Variants in CEP126 observed in about 807,000 individuals in gnomAD.
The protein encoded by CEP126 is centrosomal protein 126.
A neutral mutation model predicts 107.8 loss-of-function variants in CEP126; 74 were observed. The observed-to-expected ratio is 0.69, with a 90% confidence interval of 0.57 to 0.83. The LOEUF (loss-of-function observed/expected upper bound fraction) is 0.83. Among genes scored for constraint, CEP126 ranks in the 40% least tolerant of loss-of-function variants. CEP126 has a pLI of 0.00. For missense variants in CEP126, 1,237 were observed against 1,281.9 expected (o/e 0.96, Z 0.53); for synonymous variants, 449 against 446.0 (o/e 1.01, Z -0.08).
In CEP126 at chr11:101,915,056, C is replaced by A; in HGVS notation, c.-229C>A. 3.9e-6 allele frequency: 2 copies of A among 512,218 alleles called. No individual in the cohort carries two copies. Among genetic ancestry groups the A allele is most frequent in the Non-Finnish European group, 6.7e-6 (2 of 297,424 alleles). The allele number at this position is 512,218 out of a possible 1,614,324, so 31.7% of individuals were successfully genotyped here. On this transcript the variant is annotated 5_prime_UTR_variant, in exon 1 of 11. Coordinates refer to ENST00000263468, the MANE Select transcript of CEP126 (RefSeq NM_020802.4). The stretch of plus-strand genomic sequence containing the variant: ...ATGGCGGCTGCAGGGTTGCTGCCGC[C>A]CCATCTGCTATTGCCCGGCGAGGTC...
chr11:101,990,973 G>C (rs1203749602), intron 9 of CEP126, among the ~76,000 whole-genome samples: 1 of 152,042 alleles, frequency 6.6e-6, no homozygotes, highest in Non-Finnish European at 1.5e-5. Flanking sequence ...AGGAGTTTGA[G>C]ACCAGCTGGG....
At chr11:101,987,665 TAA>T (rs5794149) in intron 9 of CEP126, among the ~76,000 whole-genome samples, 216 of 142,464 alleles carry the variant, frequency 1.5e-3, no homozygotes, top group African/African-American at 2.4e-3. Context: ...AATTTTTTTC[TAA>T]AAAAAAAAAA....
At position 101,958,319 on chromosome 11, in the gene CEP126, G is replaced by A. The variant is rs142829666; in HGVS notation, c.658G>A (p.Glu220Lys). ...CAAAAATGTGTTCCAGCTTAAACTGGAGGAAACTCAGAAACTCCTCGAAGA... is the reference window on the plus strand; with the variant it reads ...CAAAAATGTGTTCCAGCTTAAACTGAAGGAAACTCAGAAACTCCTCGAAGA... ...TSKNVFQLKL[E>K]ETQKLLEDQH... is the part of the protein sequence containing the mutation. Residue 220 changes from glutamate (E) to lysine (K), a missense_variant, in exon 5 of 11, where the codon GAG becomes AAG. Transcript: ENST00000263468. The A allele has an allele frequency of 3.5e-5, 57 of 1,613,866 alleles. No homozygotes were observed. Among genetic ancestry groups the A allele is most frequent in the Non-Finnish European group, 4.5e-5 (53 of 1,179,928 alleles).
chr11:101,928,936 T>C (rs1591270114), intron 2 of CEP126, among the ~76,000 whole-genome samples: 1 of 152,354 alleles, frequency 6.6e-6, no homozygotes, highest in South Asian at 2.1e-4. Flanking sequence ...GAGAGTTTCA[T>C]AGGAATTGCA....
intron 4 of CEP126, among the ~76,000 whole-genome samples, chr11:101,950,911 C>T (rs1940803493): frequency 6.6e-6 from 1 of 152,124 alleles, no homozygotes; most frequent in South Asian, 2.1e-4. Context: ...ATAGCATCCT[C>T]TTTCTTATTT....
At position 101,922,724 on chromosome 11, in the gene CEP126, C is replaced by T. The variant is rs1361972209; in HGVS notation, c.212C>T (p.Ala71Val). ...LQQQKICRNR[A>V]RKYFVESNRR... ...CAACAAAAAATATGTCGAAATCGAG[C>T]ACGTAAATATTTTGTGGAGTCAAAT... Residue 71 changes from alanine (A) to valine (V), a missense_variant, in exon 2 of 11, where the codon GCA (alanine) becomes GTA (valine). Physicochemically the swap from Ala to Val is moderately conservative, Grantham distance 64. This residue lies in a region of CEP126 where 1,134 missense variants were observed against 1,150.5 expected (regional missense o/e 0.99). Transcript: ENST00000263468. 2 of 1,612,410 alleles carry T rather than the reference C, an allele frequency of 1.2e-6. No homozygotes were observed. Among genetic ancestry groups the T allele is most frequent in the East Asian group, 2.2e-5 (1 of 44,786 alleles).
intron 3 of CEP126, 117 bp downstream of exon 3, chr11:101,944,527 GACTTTTGAGTAA>G (rs1276931034): frequency 7.3e-6 from 7 of 960,814 alleles, no homozygotes; most frequent in Non-Finnish European, 1.1e-5. Context: ...AGACCAATAT[GACTTTTGAGTAA>G]AAGCACTTTA....
chr11:101,959,991 G>T (rs1271855860), intron 5 of CEP126, among the ~76,000 whole-genome samples: 1 of 152,010 alleles, frequency 6.6e-6, no homozygotes, highest in East Asian at 1.9e-4. Context: ...AGAAACCATC[G>T]CTGGAAATGT....
In CEP126 at chr11:101,983,808, A is replaced by G. The variant is rs187994476; in HGVS notation, c.3034+1844A>G. 1.7e-3 allele frequency among the ~76,000 whole-genome samples: 264 copies of G among 152,350 alleles called. 1 individual carries two copies. The highest frequency in any genetic ancestry group is 6.2e-3 in the African/African-American group (256 of 41,576). ...AACTGCTAGGATGTGCTAATGACTC[A>G]GTCACGCCCAAGTGTAAATTTGCTA... On this transcript the variant is annotated intron_variant, in intron 8 of 10. Transcript: ENST00000263468.
In CEP126 at chr11:101,940,906, G is replaced by A. The variant is rs75618349; in HGVS notation, c.249-3359G>A. On this transcript the variant is annotated intron_variant, in intron 2 of 10. Coordinates refer to ENST00000263468, the MANE Select transcript of CEP126 (RefSeq NM_020802.4). ...TCCATAACATTCTGTTGGTAATAAA[G>A]TCACAGGGCCAGACTGATTAAAGGG... Among the ~76,000 whole-genome samples the A allele has an allele frequency of 7.2e-4, 110 of 152,272 alleles. 2 individuals carry two copies. In the East Asian group the frequency reaches 0.019, roughly 26 times the overall value.
At chr11:101,925,418 G>C (rs552102116) in intron 2 of CEP126, among the ~76,000 whole-genome samples, 2 of 152,134 alleles carry the variant, frequency 1.3e-5, no homozygotes, top group African/African-American at 4.8e-5. Context: ...TCAACATTAT[G>C]TCAGGAAAAG....
At chr11:101,965,002 G>A (rs1012945958) in intron 6 of CEP126, among the ~76,000 whole-genome samples, 1 of 152,092 alleles carries the variant, frequency 6.6e-6, no homozygotes, top group Non-Finnish European at 1.5e-5. Flanking sequence ...CTTTCCCAAA[G>A]TGTGGTAGCT....
At chr11:101,923,331 A>C (rs996040552) in intron 2 of CEP126, among the ~76,000 whole-genome samples, 11 of 152,210 alleles carry the variant, frequency 7.2e-5, no homozygotes, top group African/African-American at 2.7e-4. Flanking sequence ...TAAACTAGAA[A>C]CTATAGTAAA....
chr11:101,978,344 A>G lies in CEP126; in HGVS notation c.2846-3A>G. 6.3e-7 allele frequency: 1 copy of G among 1,596,318 alleles called. No homozygotes were observed. The highest frequency in any genetic ancestry group is 8.6e-7 in the Non-Finnish European group (1 of 1,165,688). ...TTTAACATTGTGCTGGCATTTGTTT[A>G]AGGGTCTACTGTTATGAGAAGAAAA... is the stretch of plus-strand genomic sequence containing the variant. On this transcript the variant is annotated splice_polypyrimidine_tract_variant and splice_region_variant and intron_variant, in intron 6 of 10. Transcript: ENST00000263468.
At chr11:101,955,645 T>C (rs943962831) in intron 4 of CEP126, 3 of 334,502 alleles carry the variant, frequency 9.0e-6, no homozygotes, top group African/African-American at 6.5e-5. Flanking sequence ...AGGACACTGG[T>C]TGATCAAAGG....
At chr11:101,965,875 T>C (rs780188886) in intron 6 of CEP126, among the ~76,000 whole-genome samples, 96 of 152,308 alleles carry the variant, frequency 6.3e-4, no homozygotes, top group Non-Finnish European at 7.2e-4. Flanking sequence ...AGTCCTGTGC[T>C]TTTTCTACTA....
chr11:101,994,868 G>A (rs1276834535), intron 10 of CEP126, among the ~76,000 whole-genome samples: 10 of 124,304 alleles, frequency 8.0e-5, no homozygotes, highest in African/African-American at 2.9e-4. Flanking sequence ...TCTGTGTCTT[G>A]AGAGTTTTTT....
At chr11:101,926,433 A>T (rs1455195388) in intron 2 of CEP126, among the ~76,000 whole-genome samples, 1 of 152,272 alleles carries the variant, frequency 6.6e-6, no homozygotes, top group East Asian at 1.9e-4. Flanking sequence ...CAGTGTTGAT[A>T]GTACACGTTA....
intron 1 of CEP126, among the ~76,000 whole-genome samples, chr11:101,918,064 A>C (rs959588188): frequency 6.6e-6 from 1 of 152,216 alleles, no homozygotes; most frequent in South Asian, 2.1e-4. Flanking sequence ...CTGTTCCAAC[A>C]AACAGCACAA....
Sources: allele counts gnomAD v4.1 joint callset (sites outside exome capture counted in the v4.1 genomes callset), GRCh38; gene constraint gnomAD v4.1.1; regional missense constraint gnomAD v4.1.1; transcripts MANE v1.5; gene names NCBI Gene and HGNC (gene_info 2026-07-23, HGNC 2026-07-21).